HDAC4: variants seen among roughly 807,000 people sequenced by gnomAD.
The protein encoded by HDAC4 is histone deacetylase A.
Under a neutral mutation model 135.1 loss-of-function variants are expected in HDAC4, and 16 were observed. That is an observed-to-expected ratio of 0.12 (90% CI 0.08 to 0.18). HDAC4 has a LOEUF of 0.18. Ranked by LOEUF, HDAC4 falls within the 10% of genes least tolerant of loss-of-function variation. The pLI is 1.00. For synonymous variants in HDAC4, 685 were observed against 653.4 expected, an observed-to-expected ratio of 1.05 and a Z score of -0.74; for missense variants, 1,143 against 1,511.8, an observed-to-expected ratio of 0.76 and a Z score of 4.05.
At position 239,069,397 on chromosome 2, in the gene HDAC4, A is replaced by G. The variant is rs566080879; in HGVS notation, c.2751-790T>C. On this transcript the variant is annotated intron_variant, in intron 22 of 26. Coordinates refer to ENST00000543185, the MANE Select transcript of HDAC4 (RefSeq NM_001378414.1). The stretch of plus-strand genomic sequence containing the variant: ...CCAGCAAGCCCCACGACACTTGCTT[A>G]GTGAGAGTGAGTCACGGTGCAAGCC... 9.4e-4 allele frequency among the ~76,000 whole-genome samples: 67 copies of G among 71,582 alleles called. 1 individual carries two copies. Among genetic ancestry groups the G allele is most frequent in the Admixed American group, 1.9e-3 (13 of 6,788 alleles). The allele number at this position is 71,582 out of a possible 152,430, so 47.0% of individuals were successfully genotyped here. A position where few individuals can be genotyped will look rare whatever the true frequency, so the allele number is the denominator to read the frequency against.
At chr2:239,061,264 A>C (rs2032672770) in intron 24 of HDAC4, among the ~76,000 whole-genome samples, 1 of 149,998 alleles carries the variant, frequency 6.7e-6, no homozygotes, top group South Asian at 2.1e-4. Flanking sequence ...ATGAGTATGC[A>C]CGTGCAGATG....
chr2:239,096,389 A>G (rs1575007821), intron 16 of HDAC4, among the ~76,000 whole-genome samples: 1 of 78,074 alleles, frequency 1.3e-5, no homozygotes. Context: ...GACACCTGCA[A>G]CCTCCCCACA....
chr2:239,342,041 C>A (rs1439521911), intron 2 of HDAC4, among the ~76,000 whole-genome samples: 1 of 152,162 alleles, frequency 6.6e-6, no homozygotes, highest in African/African-American at 2.4e-5. Flanking sequence ...ACCAAGTCCG[C>A]TGGCACCTTG....
chr2:239,201,051 C>T (rs1462638101), intron 3 of HDAC4, among the ~76,000 whole-genome samples: 17 of 152,134 alleles, frequency 1.1e-4, no homozygotes, highest in Admixed American at 9.2e-4. Context: ...CTCTGGCCCA[C>T]GGCCTTTAGT....
chr2:239,276,256 C>T lies in HDAC4; in HGVS notation c.23-39592G>A, dbSNP rs1002853053. On this transcript the variant is annotated intron_variant, in intron 2 of 26. Transcript: ENST00000543185. ...GAGGCCCCGAACCAGAGAGCGGGTG[C>T]GGACCCTTGGCAAGTATGCCTTGGA... is the stretch of plus-strand genomic sequence containing the variant. Among the ~76,000 whole-genome samples the T allele has an allele frequency of 4.6e-5, 7 of 152,330 alleles. No individual in the cohort carries two copies. The South Asian group carries it at 1.2e-3, about 27-fold the overall frequency.
At chr2:239,099,073 G>C (rs567553847) in intron 16 of HDAC4, among the ~76,000 whole-genome samples, 2 of 152,288 alleles carry the variant, frequency 1.3e-5, no homozygotes, top group Admixed American at 6.5e-5. Flanking sequence ...AACAAGAAAG[G>C]GGTCTTCCTT....
chr2:239,282,914 CACAATGTACACACCACTCTGCAA>C (rs1205360545), intron 2 of HDAC4, among the ~76,000 whole-genome samples: 4 of 148,408 alleles, frequency 2.7e-5, no homozygotes, highest in Admixed American at 6.7e-5. Context: ...CCACTCTACA[CACAATGTACACACCACTCTGCAA>C]ACAATGTACA....
intron 2 of HDAC4, among the ~76,000 whole-genome samples, chr2:239,335,569 A>G (rs971244502): frequency 3.9e-5 from 6 of 151,998 alleles, no homozygotes; most frequent in African/African-American, 1.2e-4. Context: ...ACACATAGAA[A>G]ATAGCAACAA....
At chr2:239,219,126 C>T (rs1215607647) in intron 3 of HDAC4, among the ~76,000 whole-genome samples, 3 of 145,920 alleles carry the variant, frequency 2.1e-5, no homozygotes, top group African/African-American at 7.6e-5. Flanking sequence ...TGGGTATATA[C>T]CCAAAGGACT....
In HDAC4 at chr2:239,073,441, C is replaced by A. The variant is rs532183824; in HGVS notation, c.2751-4834G>T. ...TGGGCCACACGGTCTCTGCCAGGACCACGTGATGCTGCCCTTGTGGTGCCC... is the reference window on the plus strand; with the variant it reads ...TGGGCCACACGGTCTCTGCCAGGACAACGTGATGCTGCCCTTGTGGTGCCC... On this transcript the variant is annotated intron_variant, in intron 22 of 26. Transcript: ENST00000543185. 3.3e-5 allele frequency among the ~76,000 whole-genome samples: 5 copies of A among 152,322 alleles called. No homozygotes were observed. In the South Asian group the frequency reaches 6.2e-4, roughly 19 times the overall value.
At chr2:239,083,859 C>A (rs80279183) in intron 20 of HDAC4, among the ~76,000 whole-genome samples, 122 of 152,358 alleles carry the variant, frequency 8.0e-4, no homozygotes, top group African/African-American at 2.9e-3. Flanking sequence ...GACACAGCCT[C>A]CTCCCCAACA....
At position 239,048,588 on chromosome 2, in the gene HDAC4, G is replaced by GATAGATAGATAGATAA. The variant is rs1463668019; in HGVS notation, c.*4508_*4509insTTATCTATCTATCTAT. ...AGATAGATAGATAGATAGATAGATA[G>GATAGATAGATAGATAA]ATAGATTATATATGTTTGTCATTCT... On this transcript the variant is annotated 3_prime_UTR_variant, in exon 27 of 27. Coordinates refer to ENST00000543185, the MANE Select transcript of HDAC4 (RefSeq NM_001378414.1). 1.3e-5 allele frequency: 2 copies of GATAGATAGATAGATAA among 151,770 alleles called. No individual in the cohort carries two copies. The highest frequency in any genetic ancestry group is 3.9e-4 in the East Asian group (2 of 5,160). The allele number at this position is 151,770 out of a possible 1,614,324, so 9.4% of individuals were successfully genotyped here.
intron 3 of HDAC4, among the ~76,000 whole-genome samples, chr2:239,227,298 C>T (rs547174108): frequency 6.6e-6 from 1 of 152,306 alleles, no homozygotes; most frequent in East Asian, 1.9e-4. Context: ...CTGAAAACTG[C>T]GGACCAGTGG....
At chr2:239,298,063 G>C (rs1232025628) in intron 2 of HDAC4, 3 of 524,364 alleles carry the variant, frequency 5.7e-6, no homozygotes, top group Non-Finnish European at 1.0e-5. Flanking sequence ...AGAGATACCT[G>C]TGTGTCATGG....
intron 12 of HDAC4, among the ~76,000 whole-genome samples, chr2:239,122,431 G>A (rs1196964303): frequency 6.6e-6 from 1 of 152,194 alleles, no homozygotes; most frequent in Non-Finnish European, 1.5e-5. Context: ...CGAACACGGA[G>A]GGCCAGTTTC....
intron 1 of HDAC4, among the ~76,000 whole-genome samples, chr2:239,375,648 G>A (rs914045211): frequency 1.2e-4 from 18 of 152,342 alleles, no homozygotes; most frequent in African/African-American, 4.3e-4. Flanking sequence ...AGAGGGTCCT[G>A]CCAACTCAGT....
At chr2:239,213,333 C>T (rs113387390) in intron 3 of HDAC4, among the ~76,000 whole-genome samples, 113 of 152,350 alleles carry the variant, frequency 7.4e-4, no homozygotes, top group African/African-American at 2.5e-3. Flanking sequence ...CACTCAGCAA[C>T]GGCCATGAGG....
intron 2 of HDAC4, among the ~76,000 whole-genome samples, chr2:239,302,656 C>T (rs756736925): frequency 1.8e-4 from 27 of 152,212 alleles, no homozygotes; most frequent in Admixed American, 1.4e-3. Flanking sequence ...CCTCAACCCT[C>T]GAGCCAGGAC....
chr2:239,370,066 C>T (rs920650428), intron 1 of HDAC4, among the ~76,000 whole-genome samples: 1 of 152,250 alleles, frequency 6.6e-6, no homozygotes, highest in Non-Finnish European at 1.5e-5. Context: ...CCCAGATGCA[C>T]GGGGCCCTGT....
Sources: allele counts gnomAD v4.1 joint callset (sites outside exome capture counted in the v4.1 genomes callset), GRCh38; gene constraint gnomAD v4.1.1; transcripts MANE v1.5; gene names NCBI Gene and HGNC (gene_info 2026-07-23, HGNC 2026-07-21).